POMT1: variants seen among roughly 807,000 people sequenced by gnomAD.
The protein encoded by POMT1 is protein O-mannosyl-transferase 1.
POMT1 carries 85 observed loss-of-function variants against 101.6 expected under a neutral mutation model. That is an observed-to-expected ratio of 0.84 (90% confidence interval 0.70 to 1.00). The LOEUF (loss-of-function observed/expected upper bound fraction) is 1.00. Among genes scored for constraint, POMT1 ranks in the 50% least tolerant of loss-of-function variants. The pLI, the probability that POMT1 is intolerant of heterozygous loss-of-function variation, is 0.00. For missense variants in POMT1, 857 were observed against 930.4 expected, an observed-to-expected ratio of 0.92 and a Z score of 1.03; for synonymous variants, 371 against 383.0, an observed-to-expected ratio of 0.97 and a Z score of 0.37.
In POMT1 at chr9:131,519,975, G is replaced by C; in HGVS notation, c.1585-105G>C. On this transcript the variant is annotated intron_variant, in intron 16 of 19. Transcript: ENST00000402686. This position sits in a 1 kb window ranked among gnomAD's most constrained non-coding sequence, Gnocchi z 4.3. ...GCATGATCCGAATGAACTTGAGCTG[G>C]GCCAGTCCACGTGCAAGGGGCAGCA... 1 of 825,578 alleles carries C rather than the reference G, an allele frequency of 1.2e-6. No individual in the cohort carries two copies. Among genetic ancestry groups the C allele is most frequent in the Non-Finnish European group, 2.0e-6 (1 of 492,462 alleles). The allele number at this position is 825,578 out of a possible 1,614,324, so 51.1% of individuals were successfully genotyped here.
chr9:131,519,494 G>A lies in POMT1; in HGVS notation c.1584+8G>A. On this transcript the variant is annotated splice_region_variant and intron_variant, in intron 16 of 19. Transcript: ENST00000402686. This position sits in a 1 kb window ranked among gnomAD's most constrained non-coding sequence, Gnocchi z 4.3. ...AGATTCTCGGAGCTGCAGGTGAGGA[G>A]CGGCCAGGGGAAGCTGGCCTAGCTC... is the stretch of plus-strand genomic sequence containing the variant. The A allele has an allele frequency of 6.5e-7, 1 of 1,549,244 alleles. No homozygotes were observed. The highest frequency in any genetic ancestry group is 8.7e-7 in the Non-Finnish European group (1 of 1,146,944).
At position 131,522,302 on chromosome 9, in the gene POMT1, G is replaced by A; in HGVS notation, c.2003+78G>A. On this transcript the variant is annotated intron_variant, in intron 19 of 19. Transcript: ENST00000402686. The surrounding 1 kb of genome is among the most constrained non-coding windows in gnomAD (Gnocchi z 5.5). ...AAGCCCATGCGCAGCAAACACATGG[G>A]GTGCAGCGAACCTCACCCATTTCAC... is the stretch of plus-strand genomic sequence containing the variant. 1 of 1,594,836 alleles carries A rather than the reference G, an allele frequency of 6.3e-7. No homozygotes were observed. The highest frequency in any genetic ancestry group is 8.5e-7 in the Non-Finnish European group (1 of 1,175,566).
intron 6 of POMT1, 129 bp from the exon 7 acceptor site, chr9:131,509,614 T>C: frequency 6.4e-7 from 1 of 1,567,214 alleles, no homozygotes; most frequent in South Asian, 1.1e-5. Context: ...GAATTCTTTC[T>C]TACTGCCCCT....
At position 131,522,427 on chromosome 9, in the gene POMT1, T is replaced by G; in HGVS notation, c.2003+203T>G. On this transcript the variant is annotated intron_variant, in intron 19 of 19. Transcript: ENST00000402686. This position sits in a 1 kb window ranked among gnomAD's most constrained non-coding sequence, Gnocchi z 5.5. ...GGAACCCAGAGGGAGAAGTCGCGGCTGACAGAGATGAAAGCGGAGTGGGTG... is the reference window on the plus strand; with the variant it reads ...GGAACCCAGAGGGAGAAGTCGCGGCGGACAGAGATGAAAGCGGAGTGGGTG... 9.2e-7 allele frequency: 1 copy of G among 1,084,372 alleles called. No homozygotes were observed. The highest frequency in any genetic ancestry group is 1.3e-6 in the Non-Finnish European group (1 of 774,372). 67.2% of individuals were successfully genotyped at this position (1,084,372 alleles called of 1,614,324 possible). A position where few individuals can be genotyped will look rare whatever the true frequency, so the allele number is the denominator to read the frequency against.
chr9:131,509,981 C>G lies in POMT1; in HGVS notation c.684C>G (p.Asp228Glu), dbSNP rs1253459841. ...AAVHAWHLLG[D>E]QTLSNVCVFC... ...TCCATGCCTGGCACCTGCTTGGAGA[C>G]CAGACTTTGTCCAATGTAGGTGCTG... The change falls in exon 8 of 20, where the codon GAC (aspartate) becomes GAG (glutamate). Residue 228 changes from aspartate to glutamate, a missense_variant. Physicochemically the swap from Asp to Glu is conservative, Grantham distance 45 (BLOSUM62 2). Transcript: ENST00000402686. The G allele has an allele frequency of 6.2e-7, 1 of 1,614,100 alleles. No homozygotes were observed. Among genetic ancestry groups the G allele is most frequent in the Non-Finnish European group, 8.5e-7 (1 of 1,180,044 alleles).
intron 2 of POMT1, 92 bp from the exon 3 acceptor site, chr9:131,506,022 A>G: frequency 6.4e-7 from 1 of 1,556,474 alleles, no homozygotes; most frequent in South Asian, 1.1e-5. Flanking sequence ...ACTCAAAGTC[A>G]TTTGGAAACA....
chr9:131,521,954 T>C (rs1950014951), intron 18 of POMT1, 93 bp from the exon 19 acceptor site: 20 of 1,590,476 alleles, frequency 1.3e-5, no homozygotes, highest in Non-Finnish European at 1.6e-5. Flanking sequence ...CTGGGCAACA[T>C]AGTAAGAACC....
In POMT1 at chr9:131,521,363, T is replaced by TG. The variant is rs1337724973; in HGVS notation, c.1718dup (p.Asn574LysfsTer32). 1 of 1,614,060 alleles carries TG rather than the reference T, an allele frequency of 6.2e-7. No homozygotes were observed. The highest frequency in any genetic ancestry group is 8.5e-7 in the Non-Finnish European group (1 of 1,180,024). On this transcript the variant is annotated frameshift_variant, in exon 18 of 20. Transcript: ENST00000402686. LOFTEE classifies it high-confidence loss of function. ...TCCCTTAGGCTCAGATCCACCTACT[T>TG]GGAAACATAGTGATCTGGGTTTCGG...
intron 13 of POMT1, among the ~76,000 whole-genome samples, chr9:131,516,283 CTCCTCACACGGAACACT>C (rs1948581510): frequency 9.5e-6 from 1 of 105,312 alleles, no homozygotes; most frequent in Admixed American, 9.2e-5. Flanking sequence ...CACGGAACAC[CTCCTCACACGGAACACT>C]TCCTCACACG....
In POMT1 at chr9:131,522,856, C is replaced by G; in HGVS notation, c.2004-76C>G. 1 of 1,426,262 alleles carries G rather than the reference C, an allele frequency of 7.0e-7. No individual in the cohort carries two copies. Among genetic ancestry groups the G allele is most frequent in the Non-Finnish European group, 9.5e-7 (1 of 1,047,568 alleles). 88.4% of individuals were successfully genotyped at this position (1,426,262 alleles called of 1,614,324 possible). ...CCTCGGGGGGTGACCGTGTGGACAG[C>G]AGATGCCAAGAGGGTGCCGGGCAGG... On this transcript the variant is annotated intron_variant, in intron 19 of 19. Coordinates refer to ENST00000402686, the MANE Select transcript of POMT1 (RefSeq NM_001077365.2). This position sits in a 1 kb window ranked among gnomAD's most constrained non-coding sequence, Gnocchi z 5.5.
At position 131,510,165 on chromosome 9, in the gene POMT1, GT is replaced by G. The variant is rs5900942; in HGVS notation, c.700-92del. The G allele has an allele frequency of 0.13, 208,784 of 1,608,406 alleles. 14,849 individuals carry two copies. The highest frequency in any genetic ancestry group is 0.14 in the Non-Finnish European group (166,312 of 1,177,058). ...AGGTGCCTCTGTATGGGAGGCCAGA[GT>G]TTCTGTCACTAACTTTTTCTAAGCT... On this transcript the variant is annotated intron_variant, in intron 8 of 19. Transcript: ENST00000402686.
Position 131,503,868 on chromosome 9 carries a change from C to G in POMT1, c.-30-321C>G, listed in dbSNP as rs1433123813. 6.6e-6 allele frequency among the ~76,000 whole-genome samples: 1 copy of G among 152,080 alleles called. No homozygotes were observed. The highest frequency in any genetic ancestry group is 1.5e-5 in the Non-Finnish European group (1 of 68,014). ...TGTGGCCGCACTGTGGGCTTCTGGT[C>G]GTCGGGGAGGGAGGGGAGAAACCCT... On this transcript the variant is annotated intron_variant, in intron 1 of 19. Transcript: ENST00000402686. This position sits in a 1 kb window ranked among gnomAD's most constrained non-coding sequence, Gnocchi z 4.4.
At chr9:131,509,650 A>C in intron 6 of POMT1, 93 bp from the exon 7 acceptor site, 2 of 1,611,622 alleles carry the variant, frequency 1.2e-6, no homozygotes, top group Non-Finnish European at 1.7e-6. Context: ...CAGCCGACCC[A>C]GAAAGATTTC....
At chr9:131,510,997 T>TC in intron 9 of POMT1, 1 of 259,924 alleles carries the variant, frequency 3.8e-6, no homozygotes, top group South Asian at 5.5e-5. Context: ...TGCTGTGTGT[T>TC]TCAGCAAGTT....
At chr9:131,518,701 G>A in intron 14 of POMT1, 136 bp from the exon 15 acceptor site, 1 of 1,490,592 alleles carries the variant, frequency 6.7e-7, no homozygotes, top group East Asian at 2.3e-5. Flanking sequence ...TTCTCAGGAT[G>A]GAATCCCAAT....
chr9:131,520,764 T>C (rs2131892622), intron 17 of POMT1, among the ~76,000 whole-genome samples: 1 of 152,380 alleles, frequency 6.6e-6, no homozygotes, highest in African/African-American at 2.4e-5. Context: ...GCGCTGCTGT[T>C]ACAAAGTGGA....
At position 131,510,192 on chromosome 9, in the gene POMT1, C is replaced by T. The variant is rs1456565661; in HGVS notation, c.700-68C>T. ...TTCTGTCACTAACTTTTTCTAAGCT[C>T]ACAATGTCTAGAGGTGGGTACGCTT... On this transcript the variant is annotated intron_variant, in intron 8 of 19. Transcript: ENST00000402686. 8 of 1,611,420 alleles carry T rather than the reference C, an allele frequency of 5.0e-6. No homozygotes were observed. The Admixed American group carries it at 1.3e-4, about 27-fold the overall frequency.
At position 131,519,770 on chromosome 9, in the gene POMT1, C is replaced by G. The variant is rs2131874601; in HGVS notation, c.1584+284C>G. Among the ~76,000 whole-genome samples the G allele has an allele frequency of 6.6e-6, 1 of 152,296 alleles. No individual in the cohort carries two copies. On this transcript the variant is annotated intron_variant, in intron 16 of 19. Transcript: ENST00000402686. This position sits in a 1 kb window ranked among gnomAD's most constrained non-coding sequence, Gnocchi z 4.3. ...AGGCAGCGAAATGGGCCACACTCAA[C>G]AGAGCCCAAGAGAAGTCACAATCAG...
In POMT1 at chr9:131,523,542, G is replaced by C; in HGVS notation, c.*436G>C. The C allele has an allele frequency of 3.7e-6, 1 of 272,444 alleles. No individual in the cohort carries two copies. Among genetic ancestry groups the C allele is most frequent in the Non-Finnish European group, 7.2e-6 (1 of 138,878 alleles). The allele number at this position is 272,444 out of a possible 1,614,324, so 16.9% of individuals were successfully genotyped here. The stretch of plus-strand genomic sequence containing the variant: ...AGCAAGTCCCGGCCCTGCCCTCAGC[G>C]AGCCCGGCAGGCGTCCTGGGACAGC... On this transcript the variant is annotated 3_prime_UTR_variant, in exon 20 of 20. Transcript: ENST00000402686.
Sources: gnomAD v4.1 joint callset for allele counts (sites outside exome capture counted in the v4.1 genomes callset) on GRCh38, gnomAD v4.1.1 for gene constraint, Gnocchi (gnomAD v3.1) non-coding constraint, MANE v1.5 for transcripts, NCBI Gene and HGNC (gene_info 2026-07-23, HGNC 2026-07-21) for gene names.